HMGCLL1: variants seen among roughly 807,000 people sequenced by gnomAD.
HMGCLL1 encodes 3-hydroxy-3-methylglutaryl-CoA lyase like 1, also known as 3-hydroxymethyl-3-methylglutaryl-CoA lyase, cytoplasmic.
Under a neutral mutation model 39.1 loss-of-function variants are expected in HMGCLL1, and 36 were observed. The ratio of observed to expected loss-of-function variants is 0.92; its 90% CI spans 0.71 to 1.22. The LOEUF is 1.22. Among genes scored for constraint, HMGCLL1 ranks in the 50% most tolerant of loss-of-function variants. HMGCLL1 has a pLI of 0.00. For synonymous variants in HMGCLL1, 149 were observed against 144.0 expected, an observed-to-expected ratio of 1.03 and a Z score of -0.25; for missense variants, 451 against 416.5, an observed-to-expected ratio of 1.08 and a Z score of -0.72.
At chr6:55,527,271 TCAGC>T (rs1768371970) in intron 3 of HMGCLL1, among the ~76,000 whole-genome samples, 1 of 152,094 alleles carries the variant, frequency 6.6e-6, no homozygotes, top group Non-Finnish European at 1.5e-5. Context: ...GAATCCATCA[TCAGC>T]ATTATTTGAG....
At chr6:55,588,298 A>G in the HMGCLL1 span, among the ~76,000 whole-genome samples, 3 of 152,184 alleles carry the variant, frequency 2.0e-5, no homozygotes, top group Non-Finnish European at 2.9e-5. Flanking sequence ...GTGCTCCTCA[A>G]TGACTACTGG....
chr6:55,539,431 A>C (rs940847138), intron 3 of HMGCLL1, among the ~76,000 whole-genome samples: 1 of 152,164 alleles, frequency 6.6e-6, no homozygotes, highest in African/African-American at 2.4e-5. Flanking sequence ...AAAGACGTGT[A>C]ATCAACCTAA....
chr6:55,501,837 T>G (rs1192169390), intron 5 of HMGCLL1, among the ~76,000 whole-genome samples: 1 of 151,882 alleles, frequency 6.6e-6, no homozygotes. Context: ...GATTCCCTTG[T>G]GTAAAAAGTT....
At chr6:55,557,086 C>A (rs1204531407) in intron 1 of HMGCLL1, among the ~76,000 whole-genome samples, 1 of 152,144 alleles carries the variant, frequency 6.6e-6, no homozygotes, top group Non-Finnish European at 1.5e-5. Flanking sequence ...AAGTTAGATT[C>A]AATCACCCTA....
At chr6:55,522,706 T>A (rs1581894362) in intron 3 of HMGCLL1, among the ~76,000 whole-genome samples, 1 of 152,188 alleles carries the variant, frequency 6.6e-6, no homozygotes, top group East Asian at 1.9e-4. Context: ...TACCCATTTA[T>A]GATACATGTC....
the HMGCLL1 span, among the ~76,000 whole-genome samples, chr6:55,610,755 G>A: frequency 6.6e-6 from 1 of 152,142 alleles, no homozygotes; most frequent in African/African-American, 2.4e-5. Flanking sequence ...AGATTGAAAT[G>A]AAGGAAAACA....
At chr6:55,609,901 C>G in the HMGCLL1 span, among the ~76,000 whole-genome samples, 1 of 152,104 alleles carries the variant, frequency 6.6e-6, no homozygotes, top group African/African-American at 2.4e-5. Flanking sequence ...CCCAGATGAA[C>G]AGGGCCCGAA....
intron 3 of HMGCLL1, among the ~76,000 whole-genome samples, chr6:55,528,104 C>T (rs1394636729): frequency 6.6e-6 from 1 of 152,020 alleles, no homozygotes; most frequent in African/African-American, 2.4e-5. Flanking sequence ...CTTTGCCCCA[C>T]CACCAACTCT....
At chr6:55,612,765 G>T in the HMGCLL1 span, among the ~76,000 whole-genome samples, 32 of 152,006 alleles carry the variant, frequency 2.1e-4, no homozygotes, top group Non-Finnish European at 4.1e-4. Context: ...AAACTGAAAA[G>T]GGACCCCTTC....
chr6:55,544,963 C>T (rs996509099), intron 1 of HMGCLL1, among the ~76,000 whole-genome samples: 4 of 151,974 alleles, frequency 2.6e-5, no homozygotes, highest in Non-Finnish European at 5.9e-5. Context: ...TTACAAGATG[C>T]CTATAATTTC....
intron 5 of HMGCLL1, among the ~76,000 whole-genome samples, chr6:55,505,679 T>G (rs887512725): frequency 1.3e-5 from 2 of 151,582 alleles, no homozygotes; most frequent in African/African-American, 4.8e-5. Flanking sequence ...AACTGTGATC[T>G]CTCTACAAAT....
the HMGCLL1 span, among the ~76,000 whole-genome samples, chr6:55,618,975 T>A: frequency 6.6e-6 from 1 of 152,054 alleles, no homozygotes; most frequent in Non-Finnish European, 1.5e-5. Context: ...CTTAGGAAGT[T>A]ACTAAAGGAG....
At chr6:55,557,789 G>T (rs1315703953) in intron 1 of HMGCLL1, among the ~76,000 whole-genome samples, 1 of 152,120 alleles carries the variant, frequency 6.6e-6, no homozygotes, top group African/African-American at 2.4e-5. Flanking sequence ...GTATACAAGG[G>T]GGAAAGGGGT....
At chr6:55,477,241 T>TATATAA (rs1247609057) in intron 7 of HMGCLL1, among the ~76,000 whole-genome samples, 2 of 18,288 alleles carry the variant, frequency 1.1e-4, no homozygotes, top group Admixed American at 9.1e-4. Context: ...TATATTATAT[T>TATATAA]TATATAATAT....
At chr6:55,655,558 A>AGATAGATAGATAGAT in the HMGCLL1 span, among the ~76,000 whole-genome samples, 1 of 151,686 alleles carries the variant, frequency 6.6e-6, no homozygotes, top group African/African-American at 2.4e-5. Context: ...ATAGATAGAT[A>AGATAGATAGATAGAT]GATAGATAGA....
chr6:55,625,032 G>A, the HMGCLL1 span, among the ~76,000 whole-genome samples: 1 of 152,110 alleles, frequency 6.6e-6, no homozygotes, highest in African/African-American at 2.4e-5. Context: ...GGTGCTTGAG[G>A]TGTCAGTGGC....
At chr6:55,609,654 C>A in the HMGCLL1 span, among the ~76,000 whole-genome samples, 5 of 152,150 alleles carry the variant, frequency 3.3e-5, no homozygotes, top group African/African-American at 1.2e-4. Flanking sequence ...CAGGGCAGCA[C>A]AACTCGTCCA....
At chr6:55,510,426 T>A (rs2127433925) in intron 5 of HMGCLL1, among the ~76,000 whole-genome samples, 1 of 151,264 alleles carries the variant, frequency 6.6e-6, no homozygotes, top group Middle Eastern at 3.4e-3. Flanking sequence ...ATTAAGAAAA[T>A]GTGGCACATA....
chr6:55,625,485 G>T, the HMGCLL1 span, among the ~76,000 whole-genome samples: 1 of 152,080 alleles, frequency 6.6e-6, no homozygotes, highest in African/African-American at 2.4e-5. Context: ...GTTGACAGAG[G>T]AAGAGAAGAC....
Sources: gnomAD v4.1 joint callset for allele counts (sites outside exome capture counted in the v4.1 genomes callset) on GRCh38, gnomAD v4.1.1 for gene constraint, MANE v1.5 for transcripts, NCBI Gene and HGNC (gene_info 2026-07-23, HGNC 2026-07-21) for gene names.